Variants in DEAF1 observed in about 807,000 individuals in gnomAD.
The protein encoded by DEAF1 is deformed epidermal autoregulatory factor 1 homolog.
Under a neutral mutation model 58.9 loss-of-function variants are expected in DEAF1, and 53 were observed. The ratio of observed to expected loss-of-function variants is 0.90; its 90% CI spans 0.72 to 1.13. DEAF1 has a LOEUF of 1.13. DEAF1 is among the 50% of genes most tolerant of loss of function. DEAF1 has a pLI of 0.00. For synonymous variants in DEAF1, 385 were observed against 340.4 expected (o/e 1.13, Z -1.44); for missense variants, 685 against 791.4 (o/e 0.87, Z 1.61).
upstream of DEAF1, chr11:695,297 G>A (rs1286886394): frequency 4.3e-6 from 2 of 465,760 alleles, no homozygotes; most frequent in South Asian, 3.4e-5. Flanking sequence ...GCCGAGCCGA[G>A]ACCGAGTCCT....
chr11:650,300 G>A (rs975874791), intron 11 of DEAF1, among the ~76,000 whole-genome samples: 7 of 146,920 alleles, frequency 4.8e-5, no homozygotes, highest in African/African-American at 1.8e-4. Context: ...CTTGAACCCA[G>A]GAGATGGAGG....
At chr11:661,170 G>A (rs1011363520) in intron 10 of DEAF1, among the ~76,000 whole-genome samples, 3 of 152,206 alleles carry the variant, frequency 2.0e-5, no homozygotes, top group Admixed American at 2.0e-4. Context: ...AATGGGGTTT[G>A]CGCTCAGGGC....
At chr11:698,916 A>C (rs772068180), upstream of DEAF1, 3 of 1,613,820 alleles carry the variant, frequency 1.9e-6, no homozygotes, top group Non-Finnish European at 2.5e-6. Context: ...CCTCCAGGAC[A>C]GCACCCAGAG....
chr11:693,033 G>A (rs940000811), intron 1 of DEAF1, among the ~76,000 whole-genome samples: 1 of 152,190 alleles, frequency 6.6e-6, no homozygotes, highest in Non-Finnish European at 1.5e-5. Context: ...CTCCTCAGGC[G>A]GCAGCGTGTC....
At position 677,370 on chromosome 11, in the gene DEAF1, G is replaced by A. The variant is rs1198062493; in HGVS notation, c.1255+1324C>T. Among the ~76,000 whole-genome samples, 5 of 85,726 alleles carry A rather than the reference G, an allele frequency of 5.8e-5. 1 individual carries two copies. The highest frequency in any genetic ancestry group is 1.0e-4 in the African/African-American group (3 of 29,348). 56.2% of individuals were successfully genotyped at this position (85,726 alleles called of 152,430 possible). ...AAAAATTAGCCGGGCATGGTGGCGCGTGCCTGAAGTCTACACTCCAGCCTG... is the reference window on the plus strand; with the variant it reads ...AAAAATTAGCCGGGCATGGTGGCGCATGCCTGAAGTCTACACTCCAGCCTG... On this transcript the variant is annotated intron_variant, in intron 9 of 11. Coordinates refer to ENST00000382409, the MANE Select transcript of DEAF1 (RefSeq NM_021008.4).
chr11:661,552 A>G (rs1859320123), intron 10 of DEAF1, among the ~76,000 whole-genome samples: 2 of 152,016 alleles, frequency 1.3e-5, no homozygotes, highest in Non-Finnish European at 2.9e-5. Flanking sequence ...TCTACTAAAA[A>G]TACAAAAATT....
intron 5 of DEAF1, 46 bp from the exon 6 acceptor site, chr11:685,009 A>C: frequency 7.0e-7 from 1 of 1,434,948 alleles, no homozygotes; most frequent in Non-Finnish European, 9.6e-7. Context: ...TCAGCCCCTA[A>C]ATGTCAATCA....
At chr11:703,675 C>G in intron 1 of DEAF1, 1 of 1,232,408 alleles carries the variant, frequency 8.1e-7, no homozygotes, top group Non-Finnish European at 1.0e-6. Flanking sequence ...GCAACCCCAG[C>G]TCTGCCTCAC....
chr11:682,320 G>A (rs946429210), intron 6 of DEAF1, among the ~76,000 whole-genome samples: 1 of 152,214 alleles, frequency 6.6e-6, no homozygotes, highest in Non-Finnish European at 1.5e-5. Context: ...TTTACTGAGA[G>A]GTTCGATCTT....
At chr11:704,414 C>T (rs1449454833) in intron 1 of DEAF1, 2 of 1,280,770 alleles carry the variant, frequency 1.6e-6, no homozygotes, top group African/African-American at 1.5e-5. Flanking sequence ...CCTGGGCCGA[C>T]TTCCTTTGAC....
intron 10 of DEAF1, among the ~76,000 whole-genome samples, chr11:657,554 C>G (rs899856026): frequency 8.5e-5 from 13 of 152,294 alleles, no homozygotes; most frequent in Middle Eastern, 3.4e-3. Flanking sequence ...GAAGCCCCCC[C>G]ACGGCCGTGG....
chr11:702,265 C>CTA (rs1861532690), intron 1 of DEAF1, among the ~76,000 whole-genome samples: 1 of 152,248 alleles, frequency 6.6e-6, no homozygotes, highest in Admixed American at 6.5e-5. Context: ...CCCAGAACCT[C>CTA]TAGAGCTTGC....
rs1448003726 is a variant in DEAF1 at position 694,710 on chromosome 11, G to A, written c.289+49C>T. On this transcript the variant is annotated intron_variant, in intron 1 of 11. Transcript: ENST00000382409. ...CAGTTGTGCGGGGCAGGCGCGCGGG[G>A]TAGGCGCGCGGGAACCGGACGAGGC... is the stretch of plus-strand genomic sequence containing the variant. 4.7e-6 allele frequency: 6 copies of A among 1,274,440 alleles called. No individual in the cohort carries two copies. In the South Asian group the frequency reaches 9.8e-5, roughly 21 times the overall value. The allele number at this position is 1,274,440 out of a possible 1,614,324, so 78.9% of individuals were successfully genotyped here.
At chr11:652,407 G>C (rs1858817987) in intron 11 of DEAF1, among the ~76,000 whole-genome samples, 1 of 152,190 alleles carries the variant, frequency 6.6e-6, no homozygotes, top group African/African-American at 2.4e-5. Context: ...GGAGGCCGAG[G>C]CAGGCAGATC....
intron 1 of DEAF1, among the ~76,000 whole-genome samples, chr11:701,998 T>C (rs1365031506): frequency 6.6e-6 from 1 of 152,210 alleles, no homozygotes; most frequent in African/African-American, 2.4e-5. Context: ...AACATTGTCC[T>C]GCCGTGGGGA....
At position 644,677 on chromosome 11, in the gene DEAF1, G is replaced by A. The variant is rs1858398935; in HGVS notation, c.1594-23C>T. 6.4e-7 allele frequency: 1 copy of A among 1,567,048 alleles called. No homozygotes were observed. On this transcript the variant is annotated intron_variant, in intron 11 of 11. Transcript: ENST00000382409. The surrounding 1 kb of genome is among the most constrained non-coding windows in gnomAD (Gnocchi z 4.3). The stretch of plus-strand genomic sequence containing the variant: ...GTCCTGGAAGGGAGGACACACCCAT[G>A]TCAGCAGGGTCAGTGGGTGGAGCAG...
intron 10 of DEAF1, among the ~76,000 whole-genome samples, chr11:656,800 CG>C (rs1859077390): frequency 6.6e-6 from 1 of 152,216 alleles, no homozygotes; most frequent in Non-Finnish European, 1.5e-5. Flanking sequence ...GCCTCGCAGG[CG>C]CCTCTTCAGC....
At chr11:648,650 G>C (rs1156647061) in intron 11 of DEAF1, among the ~76,000 whole-genome samples, 1 of 152,148 alleles carries the variant, frequency 6.6e-6, no homozygotes, top group East Asian at 1.9e-4. Context: ...GGCCCAAATA[G>C]TGTTTGCCAG....
At chr11:647,177 T>C (rs1348170305) in intron 11 of DEAF1, among the ~76,000 whole-genome samples, 1 of 150,734 alleles carries the variant, frequency 6.6e-6, no homozygotes, top group Non-Finnish European at 1.5e-5. Flanking sequence ...TAAAATAGGC[T>C]GGGTACGGTG....
Sources: gnomAD v4.1 joint callset for allele counts (sites outside exome capture counted in the v4.1 genomes callset) on GRCh38, gnomAD v4.1.1 for gene constraint, Gnocchi (gnomAD v3.1) non-coding constraint, MANE v1.5 for transcripts, NCBI Gene and HGNC (gene_info 2026-07-23, HGNC 2026-07-21) for gene names.